TBC1D5: variants seen among roughly 807,000 people sequenced by gnomAD.
TBC1D5 encodes the protein TBC1 domain family member 5, also known as TBC1 domain family, member 5.
In TBC1D5, 75 loss-of-function variants were observed where a neutral mutation model predicts 100.3. The observed-to-expected ratio is 0.75, with a 90% CI of 0.62 to 0.91. The LOEUF (loss-of-function observed/expected upper bound fraction) is 0.91, where lower values mean the gene tolerates loss of function less well. Ranked by LOEUF, TBC1D5 falls within the 40% of genes least tolerant of loss-of-function variation. The pLI, the probability that TBC1D5 is intolerant of heterozygous loss-of-function variation, is 0.00. For synonymous variants in TBC1D5, 323 were observed against 325.6 expected (o/e 0.99, Z 0.09); for missense variants, 910 against 942.4 (o/e 0.97, Z 0.45).
At chr3:17,339,753 A>G (rs2088565463) in intron 13 of TBC1D5, among the ~76,000 whole-genome samples, 1 of 152,238 alleles carries the variant, frequency 6.6e-6, no homozygotes, top group South Asian at 2.1e-4. Flanking sequence ...GAATTTACTC[A>G]GGAAAGTTGA....
intron 18 of TBC1D5, among the ~76,000 whole-genome samples, chr3:17,191,760 G>A (rs770319707): frequency 6.6e-6 from 1 of 151,718 alleles, no homozygotes; most frequent in African/African-American, 2.4e-5. Flanking sequence ...GGGATTACAG[G>A]CACCTGCTAC....
At position 17,665,199 on chromosome 3, in the gene TBC1D5, T is replaced by A. The variant is rs376702438; in HGVS notation, c.-100-41286A>T. ...TGTGCTAGCCTTTAGGCTTCCTTAA[T>A]CTTGAGAGGTGAGAAGCAGCCTCCT... On this transcript the variant is annotated intron_variant, in intron 1 of 21. Coordinates refer to ENST00000253692, the Ensembl canonical transcript of TBC1D5. Among the ~76,000 whole-genome samples, 14 of 152,138 alleles carry A rather than the reference T, an allele frequency of 9.2e-5. No individual in the cohort carries two copies. The East Asian group carries it at 2.3e-3, about 25-fold the overall frequency.
chr3:17,276,267 A>C (rs1373578304), intron 15 of TBC1D5, among the ~76,000 whole-genome samples: 1 of 152,122 alleles, frequency 6.6e-6, no homozygotes, highest in African/African-American at 2.4e-5. Flanking sequence ...AATCCCAACT[A>C]TGAGGGGAGA....
chr3:17,496,558 T>A (rs2095710299), intron 3 of TBC1D5, among the ~76,000 whole-genome samples: 1 of 152,086 alleles, frequency 6.6e-6, no homozygotes, highest in South Asian at 2.1e-4. Context: ...ATGGACCATA[T>A]AGAAAGAACT....
chr3:17,581,999 G>A (rs370948856), intron 2 of TBC1D5, among the ~76,000 whole-genome samples: 2 of 152,032 alleles, frequency 1.3e-5, no homozygotes, highest in African/African-American at 2.4e-5. Context: ...TTACCTTATC[G>A]GTGAGGCTTT....
chr3:17,721,536 T>A (rs754296636), intron 1 of TBC1D5, among the ~76,000 whole-genome samples: 1 of 151,994 alleles, frequency 6.6e-6, no homozygotes, highest in African/African-American at 2.4e-5. Context: ...ACTAATTTCA[T>A]CTTGCCTTCA....
intron 17 of TBC1D5, among the ~76,000 whole-genome samples, chr3:17,216,600 C>A (rs1367947092): frequency 1.2e-4 from 19 of 152,052 alleles, no homozygotes; most frequent in Admixed American, 1.2e-3. Context: ...TAGAAGTATC[C>A]TATGCTTATA....
At chr3:17,292,204 T>TCC (rs2081832603) in intron 14 of TBC1D5, among the ~76,000 whole-genome samples, 1 of 152,238 alleles carries the variant, frequency 6.6e-6, no homozygotes, top group African/African-American at 2.4e-5. Flanking sequence ...TCTAATGTAT[T>TCC]AGCACTTAAC....
At chr3:17,419,372 A>C (rs59217371) in intron 4 of TBC1D5, among the ~76,000 whole-genome samples, 5 of 151,914 alleles carry the variant, frequency 3.3e-5, no homozygotes, top group Admixed American at 2.0e-4. Context: ...CCTTCCCTCA[A>C]CCTCTTTGGA....
intron 1 of TBC1D5, among the ~76,000 whole-genome samples, chr3:17,680,000 A>ACC (rs2069224015): frequency 6.6e-6 from 1 of 151,572 alleles, no homozygotes; most frequent in African/African-American, 2.4e-5. Flanking sequence ...AGCAGCACCA[A>ACC]CCTTGTTTGA....
intron 8 of TBC1D5, among the ~76,000 whole-genome samples, chr3:17,388,057 A>G (rs887376239): frequency 3.3e-5 from 5 of 152,136 alleles, no homozygotes; most frequent in African/African-American, 1.2e-4. Context: ...CTCTAAAAAT[A>G]GAGATGAACA....
intron 3 of TBC1D5, among the ~76,000 whole-genome samples, chr3:17,505,291 G>C (rs1406739798): frequency 6.6e-6 from 1 of 152,012 alleles, no homozygotes; most frequent in African/African-American, 2.4e-5. Flanking sequence ...GTTCACTTGA[G>C]ATCTAGTTGC....
chr3:17,604,405 A>G (rs2061200008), intron 2 of TBC1D5, among the ~76,000 whole-genome samples: 1 of 152,234 alleles, frequency 6.6e-6, no homozygotes, highest in African/African-American at 2.4e-5. Flanking sequence ...GAAAAATGTT[A>G]TCAGAAAACA....
At chr3:17,276,059 T>A (rs956000599) in intron 15 of TBC1D5, among the ~76,000 whole-genome samples, 3 of 152,230 alleles carry the variant, frequency 2.0e-5, no homozygotes, top group African/African-American at 7.2e-5. Flanking sequence ...TCTGTTTGGA[T>A]GTTATAACAA....
chr3:17,672,548 T>C (rs2068060914), intron 1 of TBC1D5: 1 of 152,210 alleles, frequency 6.6e-6, no homozygotes, highest in Non-Finnish European at 1.5e-5. Context: ...CACCTACTTT[T>C]TAAAGGCATC....
chr3:17,447,285 G>A (rs2094821387), intron 3 of TBC1D5, among the ~76,000 whole-genome samples: 1 of 152,150 alleles, frequency 6.6e-6, no homozygotes, highest in Non-Finnish European at 1.5e-5. Flanking sequence ...AGAAGTGGTG[G>A]GATCAGCACG....
intron 14 of TBC1D5, among the ~76,000 whole-genome samples, chr3:17,307,197 T>C (rs971215618): frequency 2.0e-5 from 3 of 152,188 alleles, no homozygotes; most frequent in Non-Finnish European, 4.4e-5. Flanking sequence ...TTCTAAAAAG[T>C]GTATGTTCTT....
At chr3:17,232,115 C>T (rs1419637333) in intron 17 of TBC1D5, among the ~76,000 whole-genome samples, 1 of 152,114 alleles carries the variant, frequency 6.6e-6, no homozygotes, top group African/African-American at 2.4e-5. Context: ...GGTATTTGAA[C>T]AAAACAATAT....
At chr3:17,224,553 T>C (rs2074638606) in intron 17 of TBC1D5, among the ~76,000 whole-genome samples, 2 of 152,222 alleles carry the variant, frequency 1.3e-5, no homozygotes, top group South Asian at 4.1e-4. Flanking sequence ...AGTGGCTACA[T>C]GTGGCTAGGG....
Sources: allele counts gnomAD v4.1 joint callset (sites outside exome capture counted in the v4.1 genomes callset), GRCh38; gene constraint gnomAD v4.1.1; transcripts MANE v1.5; gene names NCBI Gene and HGNC (gene_info 2026-07-23, HGNC 2026-07-21).